GNPTG: variants seen among roughly 807,000 people sequenced by gnomAD.
GNPTG encodes the protein N-acetylglucosamine-1-phosphotransferase subunit gamma.
In GNPTG, 46 loss-of-function variants were observed where a neutral mutation model predicts 43.8. The ratio of observed to expected loss-of-function variants is 1.05; its 90% CI spans 0.83 to 1.34. The LOEUF (loss-of-function observed/expected upper bound fraction) is 1.34. Among genes scored for constraint, GNPTG ranks in the 40% most tolerant of loss-of-function variants. The pLI, the probability that GNPTG is intolerant of heterozygous loss-of-function variation, is 0.00. For missense variants in GNPTG, 549 were observed against 411.3 expected (o/e 1.33, Z -2.90); for synonymous variants, 250 against 172.8 (o/e 1.45, Z -3.50).
chr16:1,362,080 C>A lies in GNPTG; in HGVS notation c.360C>A (p.Gly120=), dbSNP rs1354027160. 2 of 1,612,374 alleles carry A rather than the reference C, an allele frequency of 1.2e-6. No homozygotes were observed. The highest frequency in any genetic ancestry group is 2.2e-5 in the South Asian group (2 of 90,954). The change falls in exon 6 of 11, where the codon GGC becomes GGA. Residue 120 remains glycine (G), a synonymous_variant. Coordinates refer to ENST00000204679, the MANE Select transcript of GNPTG (RefSeq NM_032520.5). ...EWEIANNTFT[G]MWMRDGDACR... ...AGATCGCCAACAACACCTTCACGGGCATGTGGATGAGGGACGGTGACGCCT... is the reference window on the plus strand; with the variant it reads ...AGATCGCCAACAACACCTTCACGGGAATGTGGATGAGGGACGGTGACGCCT...
chr16:1,362,070 C>T lies in GNPTG; in HGVS notation c.350C>T (p.Thr117Ile), dbSNP rs752836392. 47 of 1,612,372 alleles carry T rather than the reference C, an allele frequency of 2.9e-5. No individual in the cohort carries two copies. Among genetic ancestry groups the T allele is most frequent in the Middle Eastern group, 3.3e-4 (2 of 6,084 alleles). The change falls in exon 6 of 11, where the codon ACC becomes ATC. Residue 117 changes from threonine to isoleucine, a missense_variant. By Grantham distance (89) the Thr-to-Ile change is moderately conservative. Transcript: ENST00000204679. ...IWHEWEIANN[T>I]FTGMWMRDGD... ...CACGAGTGGGAGATCGCCAACAACA[C>T]CTTCACGGGCATGTGGATGAGGGAC...
At position 1,361,852 on chromosome 16, in the gene GNPTG, C is replaced by CATGCCATCT; in HGVS notation, c.234-19_234-11dup. 6.2e-7 allele frequency: 1 copy of CATGCCATCT among 1,613,952 alleles called. No homozygotes were observed. The highest frequency in any genetic ancestry group is 1.1e-5 in the South Asian group (1 of 91,084). Reference sequence around the variant, plus strand: ...TGGGGCGCAGCCTGCGGACCCCCCTCATGCCATCTGTGTCCCCAGGTACAA... The same window carrying CATGCCATCT: ...TGGGGCGCAGCCTGCGGACCCCCCTCATGCCATCTATGCCATCTGTGTCCCCAGGTACAA... On this transcript the variant is annotated intron_variant, in intron 4 of 10. Coordinates refer to ENST00000204679, the MANE Select transcript of GNPTG (RefSeq NM_032520.5).
chr16:1,361,577 G>A (rs2034877320), intron 3 of GNPTG, 166 bp from the exon 4 acceptor site: 3 of 701,318 alleles, frequency 4.3e-6, no homozygotes, highest in Non-Finnish European at 7.4e-6. Context: ...ATGGGAGGCG[G>A]AGCTTGAAGT....
At position 1,363,385 on chromosome 16, in the gene GNPTG, A is replaced by G. The variant is rs2034987359; in HGVS notation, c.*294A>G. ...GTTAAGAAAATTCCATTCAAATAAC[A>G]TTCTCATGTAAATACTCAAACATAC... is the stretch of plus-strand genomic sequence containing the variant. On this transcript the variant is annotated 3_prime_UTR_variant, in exon 11 of 11. Coordinates refer to ENST00000204679, the MANE Select transcript of GNPTG (RefSeq NM_032520.5). 4.8e-6 allele frequency: 2 copies of G among 413,064 alleles called. No individual in the cohort carries two copies. The highest frequency in any genetic ancestry group is 4.3e-5 in the South Asian group (2 of 46,324). The allele number at this position is 413,064 out of a possible 1,614,324, so 25.6% of individuals were successfully genotyped here. A position where few individuals can be genotyped will look rare whatever the true frequency, so the allele number is the denominator to read the frequency against.
In GNPTG at chr16:1,362,448, T is replaced by G. The variant is rs749582831; in HGVS notation, c.527-4T>G. 1.2e-6 allele frequency: 2 copies of G among 1,613,672 alleles called. No individual in the cohort carries two copies. The highest frequency in any genetic ancestry group is 4.5e-5 in the East Asian group (2 of 44,870). On this transcript the variant is annotated splice_polypyrimidine_tract_variant and splice_region_variant and intron_variant, in intron 7 of 10. Transcript: ENST00000204679. ...GCTGAGCCTGGCTTCTCTTGGGTCC[T>G]CAGTGTACCCAACCCTGCCAGAGGC...
At chr16:1,356,936 C>T (rs994715071) in intron 3 of GNPTG, among the ~76,000 whole-genome samples, 1 of 38,434 alleles carries the variant, frequency 2.6e-5, no homozygotes, top group African/African-American at 9.1e-5. Flanking sequence ...GGTCTGCGGG[C>T]GGGAGTGTGC....
At chr16:1,354,667 C>G (rs1009067613) in intron 3 of GNPTG, among the ~76,000 whole-genome samples, 11 of 150,800 alleles carry the variant, frequency 7.3e-5, no homozygotes, top group African/African-American at 2.4e-4. Flanking sequence ...ATCCCCACAT[C>G]AGGGCCAGTC....
Position 1,363,184 on chromosome 16 carries a change from G to A in GNPTG, c.*93G>A. 9.7e-7 allele frequency: 1 copy of A among 1,030,920 alleles called. No homozygotes were observed. Among genetic ancestry groups the A allele is most frequent in the Non-Finnish European group, 1.5e-6 (1 of 674,852 alleles). 63.9% of individuals were successfully genotyped at this position (1,030,920 alleles called of 1,614,324 possible). ...GCAGGGACCAGCTGACCAGGCTTGT[G>A]CTCAGAGAAGCAGACAAAACAAAGA... On this transcript the variant is annotated 3_prime_UTR_variant, in exon 11 of 11. Transcript: ENST00000204679.
Position 1,363,457 on chromosome 16 carries a change from A to G in GNPTG, c.*366A>G, listed in dbSNP as rs1366715557. On this transcript the variant is annotated 3_prime_UTR_variant, in exon 11 of 11. Transcript: ENST00000204679. ...AATCCACTTGAGGCGTCCACGCGGA[A>G]CAAGGTCTGCTGACCACAGTTACAC... The G allele has an allele frequency of 2.9e-6, 1 of 342,590 alleles. No individual in the cohort carries two copies. The highest frequency in any genetic ancestry group is 5.7e-6 in the Non-Finnish European group (1 of 176,012). The allele number at this position is 342,590 out of a possible 1,614,324, so 21.2% of individuals were successfully genotyped here. A position where few individuals can be genotyped will look rare whatever the true frequency, so the allele number is the denominator to read the frequency against.
rs901250980 is a variant in GNPTG at position 1,352,288 on chromosome 16, G to C, written c.160G>C (p.Asp54His). 6.5e-7 allele frequency: 1 copy of C among 1,548,242 alleles called. No individual in the cohort carries two copies. The highest frequency in any genetic ancestry group is 8.7e-7 in the Non-Finnish European group (1 of 1,146,820). Residue 54 changes from aspartate (D) to histidine (H), a missense_variant, in exon 3 of 11, where the codon GAT (aspartate) becomes CAT (histidine). Asp to His is a moderately conservative substitution (Grantham distance 81, BLOSUM62 -1). Transcript: ENST00000204679. Reference protein sequence around the residue: ...PQASRLQAKRDPSPVSGPVHL... With the variant: ...PQASRLQAKRHPSPVSGPVHL... ...GGCCAGTCGCCTCCAGGCCAAGAGG[G>C]ATCCTTCACCCGTGTCTGGTGAGTG...
chr16:1,362,224 A>C lies in GNPTG; in HGVS notation c.430A>C (p.Lys144Gln). Residue 144 changes from lysine (K) to glutamine (Q), a missense_variant, in exon 7 of 11, where the codon AAA becomes CAA. Transcript: ENST00000204679. ...TCCCCAGGTGGAGCTGGCGTGTGGA[A>C]AAAGCAACCGGCTGGCCCATGTGTC... is the stretch of plus-strand genomic sequence containing the variant. ...RQSKVELACG[K>Q]SNRLAHVSEP... is the part of the protein sequence containing the mutation. 6.2e-7 allele frequency: 1 copy of C among 1,613,610 alleles called. No individual in the cohort carries two copies. Among genetic ancestry groups the C allele is most frequent in the African/African-American group, 1.3e-5 (1 of 75,064 alleles).
chr16:1,353,342 CAG>C (rs552772376), intron 3 of GNPTG, among the ~76,000 whole-genome samples: 2 of 152,100 alleles, frequency 1.3e-5, no homozygotes, highest in Non-Finnish European at 2.9e-5. Context: ...GAAACGAACA[CAG>C]ATATACCAAT....
chr16:1,359,776 T>A (rs1404871529), intron 3 of GNPTG, among the ~76,000 whole-genome samples: 1 of 152,120 alleles, frequency 6.6e-6, no homozygotes, highest in Non-Finnish European at 1.5e-5. Context: ...TTGCATTGAA[T>A]CTGCAGATCA....
chr16:1,352,053 C>G (rs1366730736), intron 1 of GNPTG, 36 bp downstream of exon 1: 1 of 1,520,786 alleles, frequency 6.6e-7, no homozygotes, highest in Non-Finnish European at 8.8e-7. Flanking sequence ...CCAGGCCCCG[C>G]GCGCGCTCTG....
In GNPTG at chr16:1,362,223, A is replaced by G; in HGVS notation, c.429A>G (p.Gly143=). Residue 143 remains glycine (G), a synonymous_variant, in exon 7 of 11, where the codon GGA becomes GGG. Transcript: ENST00000204679. Reference sequence around the variant, plus strand: ...CTCCCCAGGTGGAGCTGGCGTGTGGAAAAAGCAACCGGCTGGCCCATGTGT... The same window carrying G: ...CTCCCCAGGTGGAGCTGGCGTGTGGGAAAAGCAACCGGCTGGCCCATGTGT... ...SRQSKVELAC[G]KSNRLAHVSE... 1 of 1,613,520 alleles carries G rather than the reference A, an allele frequency of 6.2e-7. No homozygotes were observed. Among genetic ancestry groups the G allele is most frequent in the Non-Finnish European group, 8.5e-7 (1 of 1,179,940 alleles).
intron 5 of GNPTG, 27 bp from the exon 6 acceptor site, chr16:1,362,011 T>A: frequency 6.2e-7 from 1 of 1,612,782 alleles, no homozygotes; most frequent in Non-Finnish European, 8.5e-7. Flanking sequence ...CCACCCGGCC[T>A]CACGTGCCGT....
At chr16:1,353,517 G>A (rs1338212878) in intron 3 of GNPTG, among the ~76,000 whole-genome samples, 1 of 152,158 alleles carries the variant, frequency 6.6e-6, no homozygotes, top group African/African-American at 2.4e-5. Context: ...AGTATTGTTT[G>A]GGGGATCGCT....
chr16:1,359,203 T>C (rs957882284), intron 3 of GNPTG, among the ~76,000 whole-genome samples: 2 of 152,212 alleles, frequency 1.3e-5, no homozygotes, highest in Admixed American at 6.5e-5. Flanking sequence ...GTGAGTCTCT[T>C]ACATACGTGG....
intron 3 of GNPTG, among the ~76,000 whole-genome samples, chr16:1,356,066 A>C (rs910904553): frequency 1.1e-4 from 17 of 151,380 alleles, no homozygotes; most frequent in Admixed American, 2.6e-4. Context: ...GCCAGGGAGC[A>C]GCGTGGGAGG....
Sources: gnomAD v4.1 joint callset for allele counts (sites outside exome capture counted in the v4.1 genomes callset) on GRCh38, gnomAD v4.1.1 for gene constraint, MANE v1.5 for transcripts, NCBI Gene and HGNC (gene_info 2026-07-23, HGNC 2026-07-21) for gene names.